SLC6A5: variants seen among roughly 807,000 people sequenced by gnomAD.
SLC6A5 encodes the protein solute carrier family 6 member 5.
A neutral mutation model predicts 90.5 loss-of-function variants in SLC6A5; 58 were observed. The observed-to-expected ratio is 0.64, with a 90% CI of 0.52 to 0.80. SLC6A5 has a LOEUF of 0.80. Ranked by LOEUF, SLC6A5 falls within the 30% of genes least tolerant of loss-of-function variation. The pLI is 0.00. For missense variants in SLC6A5, 1,015 were observed against 1,017.6 expected (o/e 1.00, Z 0.03); for synonymous variants, 427 against 401.4 (o/e 1.06, Z -0.76).
chr11:20,624,939 C>T (rs549326782), intron 7 of SLC6A5, among the ~76,000 whole-genome samples: 1 of 152,300 alleles, frequency 6.6e-6, no homozygotes, highest in African/African-American at 2.4e-5. Context: ...CCAATAGCCC[C>T]ATGAAGAATC....
At chr11:20,604,248 T>C in intron 2 of SLC6A5, 38 bp from the exon 3 acceptor site, 1 of 1,583,180 alleles carries the variant, frequency 6.3e-7, no homozygotes, top group Non-Finnish European at 8.6e-7. Context: ...GTGGACCTAC[T>C]CGGGGCTGTT....
At position 20,630,834 on chromosome 11, in the gene SLC6A5, C is replaced by T. The variant is rs972898555; in HGVS notation, c.1624+19C>T. The T allele has an allele frequency of 6.2e-7, 1 of 1,613,640 alleles. No individual in the cohort carries two copies. Among genetic ancestry groups the T allele is most frequent in the African/African-American group, 1.3e-5 (1 of 74,914 alleles). On this transcript the variant is annotated intron_variant, in intron 10 of 15. Coordinates refer to ENST00000525748, the MANE Select transcript of SLC6A5 (RefSeq NM_004211.5). ...GACCAAGGTACAGGACAGTTGTTAC[C>T]CTGCTGTTGCAGGGCAGGTCCCAGG...
intron 13 of SLC6A5, among the ~76,000 whole-genome samples, chr11:20,643,113 A>G (rs1325218178): frequency 1.3e-5 from 2 of 152,128 alleles, no homozygotes; most frequent in East Asian, 3.9e-4. Flanking sequence ...GCCCTATCAT[A>G]TCGGTGTCCC....
At chr11:20,625,798 C>G (rs942081847) in intron 7 of SLC6A5, among the ~76,000 whole-genome samples, 1 of 152,236 alleles carries the variant, frequency 6.6e-6, no homozygotes, top group Non-Finnish European at 1.5e-5. Context: ...CTCCTCTAAG[C>G]TGCACTTGTC....
intron 5 of SLC6A5, among the ~76,000 whole-genome samples, chr11:20,614,444 G>A (rs991334170): frequency 2.0e-5 from 3 of 152,226 alleles, no homozygotes; most frequent in Non-Finnish European, 2.9e-5. Context: ...TTCTGTAAAT[G>A]CCTTTGTCAT....
intron 3 of SLC6A5, 62 bp downstream of exon 3, chr11:20,604,486 G>A: frequency 6.3e-7 from 1 of 1,588,448 alleles, no homozygotes; most frequent in Non-Finnish European, 8.6e-7. Flanking sequence ...GGGTTGGGTG[G>A]GACAGGAGCC....
intron 5 of SLC6A5, among the ~76,000 whole-genome samples, chr11:20,608,950 CTCTCTCTCTGTGTGTGTGTG>C (rs1237105033): frequency 1.2e-5 from 1 of 81,066 alleles, no homozygotes; most frequent in African/African-American, 4.6e-5. Context: ...CTCTCTCTCT[CTCTCTCTCTGTGTGTGTGTG>C]TGTGTGTGTG....
At chr11:20,608,236 T>A (rs552598338) in intron 5 of SLC6A5, among the ~76,000 whole-genome samples, 90 of 152,266 alleles carry the variant, frequency 5.9e-4, no homozygotes, top group Admixed American at 1.5e-3. Flanking sequence ...AAATGTAGTG[T>A]CTAGAAGAGG....
intron 7 of SLC6A5, 93 bp downstream of exon 7, chr11:20,617,977 G>A (rs984698774): frequency 1.6e-6 from 2 of 1,274,308 alleles, no homozygotes; most frequent in East Asian, 2.3e-5. Context: ...AGAGTCAGGA[G>A]CTGTGGATGC....
At chr11:20,650,709 C>G (rs949837002) in intron 14 of SLC6A5, among the ~76,000 whole-genome samples, 2 of 133,714 alleles carry the variant, frequency 1.5e-5, no homozygotes, top group African/African-American at 5.6e-5. Context: ...CTCTGTCGCC[C>G]AGGCTGGAGT....
At chr11:20,611,783 C>A (rs991516219) in intron 5 of SLC6A5, among the ~76,000 whole-genome samples, 33 of 134,122 alleles carry the variant, frequency 2.5e-4, no homozygotes, top group African/African-American at 7.1e-4. Flanking sequence ...AAAAAAAAAA[C>A]AAGGTGTCAA....
At chr11:20,643,839 T>A (rs1853359229) in intron 13 of SLC6A5, among the ~76,000 whole-genome samples, 1 of 152,182 alleles carries the variant, frequency 6.6e-6, no homozygotes, top group African/African-American at 2.4e-5. Context: ...TGGTGGCTGC[T>A]GTCAGGGGTC....
chr11:20,627,691 G>C (rs75127014), intron 8 of SLC6A5, among the ~76,000 whole-genome samples: 1 of 152,258 alleles, frequency 6.6e-6, no homozygotes, highest in Admixed American at 6.5e-5. Context: ...CTAAAGGAAG[G>C]ACTCTCCCTT....
At chr11:20,631,939 G>A (rs1483370902) in intron 10 of SLC6A5, among the ~76,000 whole-genome samples, 2 of 152,182 alleles carry the variant, frequency 1.3e-5, no homozygotes, top group African/African-American at 4.8e-5. Context: ...TGCACCAGGG[G>A]CCTCAAAGAG....
intron 10 of SLC6A5, among the ~76,000 whole-genome samples, chr11:20,634,576 C>T (rs979209027): frequency 9.2e-5 from 14 of 152,190 alleles, no homozygotes; most frequent in African/African-American, 3.4e-4. Flanking sequence ...GAACATTAAA[C>T]TGACTTCCTT....
rs1853667552 is a variant in SLC6A5, at chr11:20,658,854, T to A, written c.*3986T>A. 6.6e-6 allele frequency: 1 copy of A among 152,164 alleles called. No individual in the cohort carries two copies. The highest frequency in any genetic ancestry group is 2.4e-5 in the African/African-American group (1 of 41,430). The allele number at this position is 152,164 out of a possible 1,614,324, so 9.4% of individuals were successfully genotyped here. ...ACTAAAAACTGTTTTGTCTCTCATT[T>A]GTTTGTGGTTTTTGCACTTTATTAT... On this transcript the variant is annotated 3_prime_UTR_variant, in exon 16 of 16. Transcript: ENST00000525748.
chr11:20,614,793 T>C lies in SLC6A5; in HGVS notation c.1100T>C (p.Phe367Ser). The C allele has an allele frequency of 1.2e-6, 2 of 1,614,044 alleles. No individual in the cohort carries two copies. Among genetic ancestry groups the C allele is most frequent in the Non-Finnish European group, 1.7e-6 (2 of 1,179,876 alleles). ...VNFTSQANKT[F>S]VSGSEEYFKY... Reference sequence around the variant, plus strand: ...TTCACCAGCCAGGCCAATAAGACATTTGTCAGTGGAAGTGAAGAGTACTTC... The same window carrying C: ...TTCACCAGCCAGGCCAATAAGACATCTGTCAGTGGAAGTGAAGAGTACTTC... Residue 367 changes from phenylalanine to serine, a missense_variant, in exon 6 of 16, where the codon TTT (phenylalanine) becomes TCT (serine). Transcript: ENST00000525748.
rs747760232 is a variant in SLC6A5 at position 20,601,514 on chromosome 11, G to C, written c.389G>C (p.Gly130Ala). Residue 130 changes from glycine (G) to alanine (A), a missense_variant, in exon 2 of 16, where the codon GGG (glycine) becomes GCG (alanine). Gly to Ala is a moderately conservative substitution (Grantham distance 60). This residue lies in a region of SLC6A5 where 567 missense variants were observed against 507.3 expected (regional missense o/e 1.12). Transcript: ENST00000525748. ...ATCCCTTTTCTGCGAGGCCCGGAGG[G>C]GGATGCGAACGTGAGTGTGGGCAAG... ...CKIPFLRGPE[G>A]DANVSVGKGT... The C allele has an allele frequency of 3.3e-5, 53 of 1,614,120 alleles. No individual in the cohort carries two copies. The highest frequency in any genetic ancestry group is 4.2e-5 in the Non-Finnish European group (49 of 1,179,980).
At chr11:20,632,496 C>T (rs1457521643) in intron 10 of SLC6A5, among the ~76,000 whole-genome samples, 1 of 152,070 alleles carries the variant, frequency 6.6e-6, no homozygotes, top group East Asian at 1.9e-4. Context: ...TTTTCACTTC[C>T]TTTGATTTGA....
Sources: gnomAD v4.1 joint callset for allele counts (sites outside exome capture counted in the v4.1 genomes callset) on GRCh38, gnomAD v4.1.1 for gene constraint, gnomAD v4.1.1 regional missense constraint, MANE v1.5 for transcripts, NCBI Gene and HGNC (gene_info 2026-07-23, HGNC 2026-07-21) for gene names.